SYNGR1: variants seen among roughly 807,000 people sequenced by gnomAD.
The protein encoded by SYNGR1 is synaptogyrin 1, also known as synaptogyrin-1.
A neutral mutation model predicts 26.1 loss-of-function variants in SYNGR1; 14 were observed. The observed-to-expected ratio is 0.54, with a 90% CI of 0.35 to 0.84. The LOEUF (loss-of-function observed/expected upper bound fraction) is 0.84, where lower values mean the gene tolerates loss of function less well. SYNGR1 is among the 40% of genes least tolerant of loss of function. The pLI is 0.01. For synonymous variants in SYNGR1, 141 were observed against 150.1 expected (o/e 0.94, Z 0.44); for missense variants, 319 against 332.9 (o/e 0.96, Z 0.33).
chr22:39,381,589 C>T (rs1925498917), intron 3 of SYNGR1, 107 bp from the exon 4 acceptor site: 6 of 1,147,118 alleles, frequency 5.2e-6, no homozygotes, highest in Admixed American at 1.9e-5. Flanking sequence ...TAACCCTCTC[C>T]TGCCTGTGTC....
intron 2 of SYNGR1, chr22:39,375,670 G>T (rs1449391655): frequency 8.8e-6 from 5 of 565,040 alleles, no homozygotes; most frequent in East Asian, 8.8e-5. Flanking sequence ...GGACCGGGGG[G>T]GCCCACGTCA....
At chr22:39,358,486 A>G (rs1271215677) in intron 1 of SYNGR1, among the ~76,000 whole-genome samples, 2 of 152,218 alleles carry the variant, frequency 1.3e-5, no homozygotes, top group African/African-American at 4.8e-5. Context: ...TATGAGCTGT[A>G]ACACTCACCG....
chr22:39,378,723 A>G (rs1043633498), intron 3 of SYNGR1, among the ~76,000 whole-genome samples: 4 of 152,184 alleles, frequency 2.6e-5, no homozygotes, highest in Non-Finnish European at 5.9e-5. Flanking sequence ...TGCTGCAGAG[A>G]GAGCACCTAC....
At chr22:39,366,317 C>T (rs894494111) in intron 1 of SYNGR1, among the ~76,000 whole-genome samples, 5 of 151,612 alleles carry the variant, frequency 3.3e-5, no homozygotes, top group East Asian at 2.0e-4. Context: ...CTCCCTACGT[C>T]GGCTGTGTCT....
intron 1 of SYNGR1, among the ~76,000 whole-genome samples, chr22:39,372,953 G>A (rs1320809074): frequency 2.0e-5 from 3 of 152,034 alleles, no homozygotes; most frequent in Non-Finnish European, 2.9e-5. Flanking sequence ...CAGGGAGTGG[G>A]GGAGAAGAGG....
At chr22:39,363,353 G>A (rs1030811090) in intron 1 of SYNGR1, among the ~76,000 whole-genome samples, 1 of 152,028 alleles carries the variant, frequency 6.6e-6, no homozygotes, top group African/African-American at 2.4e-5. Context: ...ACAGAGTGTG[G>A]GGGTGCAAGT....
At position 39,351,619 on chromosome 22, in the gene SYNGR1, T is replaced by G. The variant is rs1601646482; in HGVS notation, c.99+1510T>G. ...TTCACTGCTTTAGTCTGCCCACCCC[T>G]GGGCCTCTGGCCTGGAAGGGCGAAG... On this transcript the variant is annotated intron_variant, in intron 1 of 3. Transcript: ENST00000328933. Among the ~76,000 whole-genome samples the G allele has an allele frequency of 2.6e-5, 4 of 152,378 alleles. No individual in the cohort carries two copies. In the East Asian group the frequency reaches 7.7e-4, roughly 29 times the overall value.
In SYNGR1 at chr22:39,376,242, C is replaced by A. The variant is rs772658077; in HGVS notation, c.483+45C>A. ...ACCAGCCCACACTCGTCCCCTTTCC[C>A]CACTGAGCCCCTGGATGGGTGGCCT... On this transcript the variant is annotated intron_variant, in intron 3 of 3. Coordinates refer to ENST00000328933, the MANE Select transcript of SYNGR1 (RefSeq NM_004711.5). 3 of 1,613,532 alleles carry A rather than the reference C, an allele frequency of 1.9e-6. No homozygotes were observed. The South Asian group carries it at 3.3e-5, about 18-fold the overall frequency.
At chr22:39,374,649 T>A in intron 2 of SYNGR1, 96 bp downstream of exon 2, 1 of 1,289,150 alleles carries the variant, frequency 7.8e-7, no homozygotes, top group South Asian at 1.2e-5. Context: ...ATGTTTCAGA[T>A]GAGGAAATGA....
At chr22:39,380,250 CT>C (rs1466247199) in intron 3 of SYNGR1, among the ~76,000 whole-genome samples, 1 of 151,260 alleles carries the variant, frequency 6.6e-6, no homozygotes, top group Non-Finnish European at 1.5e-5. Flanking sequence ...GATCCTGAAA[CT>C]TGTTTCACTC....
chr22:39,369,133 G>A (rs1006540337), intron 1 of SYNGR1, among the ~76,000 whole-genome samples: 9 of 152,294 alleles, frequency 5.9e-5, no homozygotes, highest in African/African-American at 2.2e-4. Flanking sequence ...TTTCTGTTCT[G>A]GTTTGGTGGC....
At chr22:39,351,669 T>A (rs983233649) in intron 1 of SYNGR1, among the ~76,000 whole-genome samples, 52 of 152,386 alleles carry the variant, frequency 3.4e-4, no homozygotes, top group African/African-American at 9.6e-4. Context: ...AGGGGGCTTG[T>A]CTGCTTGGGT....
chr22:39,368,566 C>G (rs1924878670), intron 1 of SYNGR1, among the ~76,000 whole-genome samples: 1 of 152,190 alleles, frequency 6.6e-6, no homozygotes. Flanking sequence ...TGCTCTGCAC[C>G]CTCTTGGGGA....
intron 2 of SYNGR1, 49 bp downstream of exon 2, chr22:39,374,602 G>C: frequency 1.9e-6 from 3 of 1,590,450 alleles, no homozygotes; most frequent in East Asian, 4.5e-5. Context: ...ACAGAGGGCT[G>C]TCCCGGCCAT....
At chr22:39,381,161 T>G (rs1925485995) in intron 3 of SYNGR1, among the ~76,000 whole-genome samples, 2 of 152,068 alleles carry the variant, frequency 1.3e-5, no homozygotes, top group East Asian at 3.9e-4. Context: ...GTCTTTGTGG[T>G]CCCTTTTGGC....
chr22:39,376,242 C>T, intron 3 of SYNGR1, 45 bp downstream of exon 3: 2 of 1,613,532 alleles, frequency 1.2e-6, no homozygotes, highest in African/African-American at 2.7e-5. Context: ...TCCCCTTTCC[C>T]CACTGAGCCC....
Position 39,376,040 on chromosome 22 carries a change from G to A in SYNGR1, c.338-12G>A. 1 of 1,614,064 alleles carries A rather than the reference G, an allele frequency of 6.2e-7. No individual in the cohort carries two copies. Among genetic ancestry groups the A allele is most frequent in the Non-Finnish European group, 8.5e-7 (1 of 1,179,998 alleles). ...GGCACTGCCTATTCTGCCCGGTCCTGGGACCCCCCAGCCTTCTGGGCTTTC... is the reference window on the plus strand; with the variant it reads ...GGCACTGCCTATTCTGCCCGGTCCTAGGACCCCCCAGCCTTCTGGGCTTTC... On this transcript the variant is annotated splice_polypyrimidine_tract_variant and intron_variant, in intron 2 of 3. Coordinates refer to ENST00000328933, the MANE Select transcript of SYNGR1 (RefSeq NM_004711.5).
intron 2 of SYNGR1, chr22:39,375,664 CG>C (rs888353725): frequency 3.9e-5 from 22 of 558,342 alleles, no homozygotes; most frequent in Admixed American, 6.6e-5. Flanking sequence ...AGGGGTGGAC[CG>C]GGGGGGCCCA....
At position 39,382,847 on chromosome 22, in the gene SYNGR1, T is replaced by A. The variant is rs773934783; in HGVS notation, c.*933T>A. The stretch of plus-strand genomic sequence containing the variant: ...TGTGCTCTGCGTGTCCCACAGACGC[T>A]TGTTCCAGGGGGCTCCAGCAAACCC... On this transcript the variant is annotated 3_prime_UTR_variant, in exon 4 of 4. Transcript: ENST00000328933. 1.3e-5 allele frequency: 2 copies of A among 152,594 alleles called. No individual in the cohort carries two copies. Among genetic ancestry groups the A allele is most frequent in the Non-Finnish European group, 2.9e-5 (2 of 68,322 alleles). The allele number at this position is 152,594 out of a possible 1,614,324, so 9.5% of individuals were successfully genotyped here.
Sources: allele counts gnomAD v4.1 joint callset (sites outside exome capture counted in the v4.1 genomes callset), GRCh38; gene constraint gnomAD v4.1.1; transcripts MANE v1.5; gene names NCBI Gene and HGNC (gene_info 2026-07-23, HGNC 2026-07-21).